The following AHCTF1 variants were observed in gnomAD, a reference collection of about 807,000 sequenced individuals.
AHCTF1 encodes the protein protein ELYS.
AHCTF1 carries 24 observed loss-of-function variants against 248.4 expected under a neutral mutation model. That is an observed-to-expected ratio of 0.10 (90% CI 0.07 to 0.14). The LOEUF (loss-of-function observed/expected upper bound fraction) is 0.14, where lower values mean the gene tolerates loss of function less well. Among genes scored for constraint, AHCTF1 ranks in the 10% least tolerant of loss-of-function variants. AHCTF1 has a pLI of 1.00. For missense variants in AHCTF1, 2,206 were observed against 2,636.2 expected, an observed-to-expected ratio of 0.84 and a Z score of 3.57; for synonymous variants, 786 against 929.8, an observed-to-expected ratio of 0.85 and a Z score of 2.81.
chr1:246,878,804 G>C (rs1663180394), intron 21 of AHCTF1, among the ~76,000 whole-genome samples: 1 of 152,138 alleles, frequency 6.6e-6, no homozygotes, highest in Non-Finnish European at 1.5e-5. Context: ...ATTTCCACAT[G>C]CTCCACAGGG....
At chr1:246,927,188 A>G (rs1225144365) in intron 1 of AHCTF1, among the ~76,000 whole-genome samples, 1 of 151,742 alleles carries the variant, frequency 6.6e-6, no homozygotes, top group Non-Finnish European at 1.5e-5. Context: ...AAAAAAAAAA[A>G]AAGAAAGAAA....
chr1:246,905,226 G>A (rs548409075), intron 6 of AHCTF1, among the ~76,000 whole-genome samples: 3 of 152,266 alleles, frequency 2.0e-5, no homozygotes, highest in South Asian at 2.1e-4. Flanking sequence ...CAGGCCAGTC[G>A]TGGTGACTCA....
At position 246,898,111 on chromosome 1, in the gene AHCTF1, C is replaced by T. The variant is rs574863498; in HGVS notation, c.1623+97G>A. On this transcript the variant is annotated intron_variant, in intron 12 of 35. Coordinates refer to ENST00000648844, the MANE Select transcript of AHCTF1 (RefSeq NM_001323342.2). The stretch of plus-strand genomic sequence containing the variant: ...CAGAGTCAGCATTACACTACTTCAC[C>T]TATTTTTGCAGAAATTATCTAATAC... 1.8e-4 allele frequency: 281 copies of T among 1,535,810 alleles called. No homozygotes were observed. The African/African-American group carries it at 2.8e-3, about 15-fold the overall frequency.
chr1:246,917,878 A>T (rs1666252165), intron 2 of AHCTF1, among the ~76,000 whole-genome samples: 1 of 152,144 alleles, frequency 6.6e-6, no homozygotes, highest in Non-Finnish European at 1.5e-5. Flanking sequence ...TATAACATCT[A>T]GGGCCCTGGA....
intron 12 of AHCTF1, among the ~76,000 whole-genome samples, chr1:246,896,194 C>T (rs958525658): frequency 1.3e-5 from 2 of 152,088 alleles, no homozygotes; most frequent in African/African-American, 2.4e-5. Context: ...ACTTACCACA[C>T]GACCCTCCAA....
intron 29 of AHCTF1, among the ~76,000 whole-genome samples, chr1:246,860,426 A>G (rs1045383623): frequency 5.9e-5 from 9 of 152,238 alleles, no homozygotes; most frequent in African/African-American, 1.4e-4. Context: ...AATGTAACAC[A>G]TAAGTTCTCC....
chr1:246,914,168 C>T (rs1197409748), intron 3 of AHCTF1, among the ~76,000 whole-genome samples: 1 of 152,080 alleles, frequency 6.6e-6, no homozygotes, highest in Non-Finnish European at 1.5e-5. Context: ...TTATACTTGT[C>T]TTTCCTTCAG....
At chr1:246,898,446 G>T (rs918394490) in intron 11 of AHCTF1, 110 bp from the exon 12 acceptor site, 1 of 1,149,734 alleles carries the variant, frequency 8.7e-7, no homozygotes, top group Non-Finnish European at 1.2e-6. Flanking sequence ...ATAGCAAGTG[G>T]AAATTATGAA....
chr1:246,859,202 T>C (rs187328040), intron 29 of AHCTF1, among the ~76,000 whole-genome samples: 27 of 152,308 alleles, frequency 1.8e-4, no homozygotes, highest in African/African-American at 5.5e-4. Context: ...TGGACTCTCA[T>C]CTTAAACTAC....
chr1:246,845,790 G>A (rs1030844852), intron 33 of AHCTF1, among the ~76,000 whole-genome samples: 5 of 152,106 alleles, frequency 3.3e-5, no homozygotes, highest in Non-Finnish European at 1.5e-5. Context: ...CTGTGTCCTA[G>A]CAAATGACTC....
intron 1 of AHCTF1, among the ~76,000 whole-genome samples, chr1:246,924,609 C>T (rs1666805178): frequency 6.6e-6 from 1 of 152,010 alleles, no homozygotes; most frequent in Admixed American, 6.6e-5. Flanking sequence ...TTAGTCCCCT[C>T]CCCCAAAAAA....
chr1:246,911,479 CTTTTT>C (rs35320501), intron 4 of AHCTF1, among the ~76,000 whole-genome samples: 3 of 99,490 alleles, frequency 3.0e-5, no homozygotes, highest in African/African-American at 7.8e-5. Flanking sequence ...TATGAAGATT[CTTTTT>C]TTTTTTTTTT....
chr1:246,865,109 C>T (rs571395363), intron 26 of AHCTF1: 1 of 152,112 alleles, frequency 6.6e-6, no homozygotes, highest in Non-Finnish European at 1.5e-5. Context: ...ACTCAAAAGT[C>T]GGGTTTTCAG....
At position 246,892,302 on chromosome 1, in the gene AHCTF1, T is replaced by C. The variant is rs1056337404; in HGVS notation, c.1805-383A>G. Among the ~76,000 whole-genome samples the C allele has an allele frequency of 1.3e-3, 24 of 18,408 alleles. No homozygotes were observed. In the East Asian group the frequency reaches 0.021, roughly 16 times the overall value. 12.1% of individuals were successfully genotyped at this position (18,408 alleles called of 152,430 possible). A position where few individuals can be genotyped will look rare whatever the true frequency, so the allele number is the denominator to read the frequency against. ...TAAATCAAATTCTAATTTGTTTTAC[T>C]TTTTTTTTTTTTTTTTTTTTTTTTT... On this transcript the variant is annotated intron_variant, in intron 14 of 35. Transcript: ENST00000648844.
rs375742788 is a variant in AHCTF1, at chr1:246,849,949, A to G, written c.6057T>C (p.Asn2019=). ...STRNTPAKSE[N]VDVGKPALGK... ...CTAAAGCTGGTTTTCCAACATCAAC[A>G]TTTTCACTTTTAGCTGGGGTATTTC... The change falls in exon 33 of 36, where the codon AAT becomes AAC. Residue 2019 remains asparagine, a synonymous_variant. Coordinates refer to ENST00000648844, the MANE Select transcript of AHCTF1 (RefSeq NM_001323342.2). 2.0e-5 allele frequency: 33 copies of G among 1,613,742 alleles called. No homozygotes were observed. Among genetic ancestry groups the G allele is most frequent in the Non-Finnish European group, 2.7e-5 (32 of 1,179,860 alleles).
intron 24 of AHCTF1, among the ~76,000 whole-genome samples, chr1:246,868,469 G>A (rs749136991): frequency 1.1e-4 from 17 of 151,824 alleles, no homozygotes; most frequent in Non-Finnish European, 2.4e-4. Context: ...TGGCCAGACT[G>A]GTCTCAAACT....
At chr1:246,909,779 C>T (rs372967955) in intron 4 of AHCTF1, among the ~76,000 whole-genome samples, 2 of 152,180 alleles carry the variant, frequency 1.3e-5, no homozygotes, top group African/African-American at 4.8e-5. Context: ...GAATGTATCC[C>T]TCGCAGATAA....
chr1:246,930,495 A>G (rs2103268610), intron 1 of AHCTF1, among the ~76,000 whole-genome samples: 1 of 152,074 alleles, frequency 6.6e-6, no homozygotes, highest in East Asian at 1.9e-4. Flanking sequence ...TGGGCTTGTC[A>G]TCCCAGGTCA....
chr1:246,849,966 G>A lies in AHCTF1; in HGVS notation c.6040C>T (p.Pro2014Ser). ...ACATCAACATTTTCACTTTTAGCTG[G>A]GGTATTTCTTGTAGATCTCCTTCTA... The part of the protein sequence containing the change: ...SIRRRSTRNT[P>S]AKSENVDVGK... The change falls in exon 33 of 36, where the codon CCA (proline) becomes TCA (serine). Residue 2014 changes from proline to serine, a missense_variant. Pro to Ser is a moderately conservative substitution (Grantham distance 74). Transcript: ENST00000648844. 3 of 1,613,886 alleles carry A rather than the reference G, an allele frequency of 1.9e-6. No individual in the cohort carries two copies. The highest frequency in any genetic ancestry group is 1.7e-4 in the Middle Eastern group (1 of 6,056).
Sources: gnomAD v4.1 joint callset for allele counts (sites outside exome capture counted in the v4.1 genomes callset) on GRCh38, gnomAD v4.1.1 for gene constraint, MANE v1.5 for transcripts, NCBI Gene and HGNC (gene_info 2026-07-23, HGNC 2026-07-21) for gene names.